NTN1: variants seen among roughly 807,000 people sequenced by gnomAD.
NTN1 encodes netrin 1.
NTN1 carries 11 observed loss-of-function variants against 54.2 expected under a neutral mutation model. The observed-to-expected ratio is 0.20, with a 90% confidence interval of 0.13 to 0.34. The LOEUF (loss-of-function observed/expected upper bound fraction) is 0.34, where lower values mean the gene tolerates loss of function less well. NTN1 is among the 10% of genes least tolerant of loss of function. The probability of loss-of-function intolerance (pLI) is 1.00; values close to 1 mark genes in which losing one functional copy is unlikely to be tolerated. For synonymous variants in NTN1, 371 were observed against 382.0 expected (o/e 0.97, Z 0.33); for missense variants, 740 against 893.1 (o/e 0.83, Z 2.18).
chr17:9,020,637 T>C (rs1567690931), upstream of NTN1, among the ~76,000 whole-genome samples: 1 of 152,204 alleles, frequency 6.6e-6, no homozygotes. Flanking sequence ...AAAGCTGCTG[T>C]GGAGGTCCCA....
intron 6 of NTN1, among the ~76,000 whole-genome samples, chr17:9,237,583 A>G (rs1423679906): frequency 1.3e-5 from 2 of 152,154 alleles, no homozygotes; most frequent in Non-Finnish European, 2.9e-5. Context: ...TGCCTTCTGC[A>G]GCATCCTTGT....
intron 2 of NTN1, among the ~76,000 whole-genome samples, chr17:9,056,033 G>T (rs1299323708): frequency 1.3e-5 from 2 of 151,850 alleles, no homozygotes; most frequent in Non-Finnish European, 2.9e-5. Context: ...GAGAAGCTGG[G>T]ACTACAGGTG....
At chr17:9,058,011 C>T (rs1433401752) in intron 2 of NTN1, among the ~76,000 whole-genome samples, 7 of 152,180 alleles carry the variant, frequency 4.6e-5, no homozygotes, top group Non-Finnish European at 4.4e-5. Flanking sequence ...CCTCAGCCTC[C>T]CGAGTAGCTG....
At chr17:9,004,460 C>T in the NTN1 span, among the ~76,000 whole-genome samples, 2 of 152,274 alleles carry the variant, frequency 1.3e-5, no homozygotes, top group Admixed American at 6.5e-5. Flanking sequence ...ATCTGCTGAG[C>T]GGGTGACGGA....
At chr17:9,003,706 C>G in the NTN1 span, among the ~76,000 whole-genome samples, 1 of 152,060 alleles carries the variant, frequency 6.6e-6, no homozygotes, top group Non-Finnish European at 1.5e-5. This position sits in a 1 kb window ranked among gnomAD's most constrained non-coding sequence, Gnocchi z 7.4. Flanking sequence ...GCCCCGGCCC[C>G]GGCGCCTGAT....
At chr17:9,025,056 T>A (rs984551225) in intron 2 of NTN1, among the ~76,000 whole-genome samples, 1 of 152,234 alleles carries the variant, frequency 6.6e-6, no homozygotes. Context: ...AGTTTTAGTT[T>A]GTATGTGCAT....
In NTN1 at chr17:9,242,573, A is replaced by G. The variant is rs1906255425; in HGVS notation, c.*2605A>G. On this transcript the variant is annotated 3_prime_UTR_variant, in exon 7 of 7. Coordinates refer to ENST00000173229, the MANE Select transcript of NTN1 (RefSeq NM_004822.3). Reference sequence around the variant, plus strand: ...AACGGAGCTGGCGACACGCCAAGCAACAAGGCATCTTGCGGAAAATTCAGC... The same window carrying G: ...AACGGAGCTGGCGACACGCCAAGCAGCAAGGCATCTTGCGGAAAATTCAGC... 6.6e-6 allele frequency: 1 copy of G among 152,298 alleles called. No individual in the cohort carries two copies. The highest frequency in any genetic ancestry group is 2.4e-5 in the African/African-American group (1 of 41,470). 9.4% of individuals were successfully genotyped at this position (152,298 alleles called of 1,614,324 possible).
chr17:9,135,517 G>C lies in NTN1; in HGVS notation c.1019-27296G>C, dbSNP rs997905366. Among the ~76,000 whole-genome samples the C allele has an allele frequency of 6.6e-6, 1 of 152,212 alleles. No individual in the cohort carries two copies. The highest frequency in any genetic ancestry group is 1.5e-5 in the Non-Finnish European group (1 of 68,038). On this transcript the variant is annotated intron_variant, in intron 2 of 6. Coordinates refer to ENST00000173229, the MANE Select transcript of NTN1 (RefSeq NM_004822.3). This position sits in a 1 kb window ranked among gnomAD's most constrained non-coding sequence, Gnocchi z 4.4. ...TCAACCACTTAGTCCTCTTGACCAT[G>C]AGACTCTCCTAAGTTCTGAATGCAG...
At chr17:9,072,013 G>C (rs1003790900) in intron 2 of NTN1, among the ~76,000 whole-genome samples, 1 of 152,226 alleles carries the variant, frequency 6.6e-6, no homozygotes, top group African/African-American at 2.4e-5. Context: ...GCCTTTGTGG[G>C]ATCTGAGCAC....
intron 2 of NTN1, among the ~76,000 whole-genome samples, chr17:9,048,784 G>C (rs537034558): frequency 6.6e-6 from 1 of 152,102 alleles, no homozygotes; most frequent in East Asian, 1.9e-4. Context: ...AGCCTTCCAA[G>C]TAGCTGAGAT....
rs114712555 is a variant in NTN1, at chr17:9,234,088, A to G, written c.1487-5552A>G. Reference sequence around the variant, plus strand: ...CTGAGCCCCTTTCTTGCCTCCTCGGAGCCACGGCCAGCCCTCCAGAGCCCC... The same window carrying G: ...CTGAGCCCCTTTCTTGCCTCCTCGGGGCCACGGCCAGCCCTCCAGAGCCCC... On this transcript the variant is annotated intron_variant, in intron 6 of 6. Transcript: ENST00000173229. Among the ~76,000 whole-genome samples, 1,269 of 152,196 alleles carry G rather than the reference A, an allele frequency of 8.3e-3. 28 individuals carry two copies. The highest frequency in any genetic ancestry group is 0.029 in the African/African-American group (1,201 of 41,532).
chr17:9,168,946 C>T (rs2092380098), intron 3 of NTN1, among the ~76,000 whole-genome samples: 1 of 152,164 alleles, frequency 6.6e-6, no homozygotes, highest in Non-Finnish European at 1.5e-5. Context: ...AAGGAGTGGG[C>T]TTCATTATGG....
At chr17:9,043,899 A>G (rs996394331) in intron 2 of NTN1, among the ~76,000 whole-genome samples, 2 of 151,484 alleles carry the variant, frequency 1.3e-5, no homozygotes, top group African/African-American at 4.9e-5. Flanking sequence ...AATTCTCTTA[A>G]TTTTTTTATC....
chr17:9,160,294 G>C, intron 2 of NTN1, among the ~76,000 whole-genome samples: 1 of 151,894 alleles, frequency 6.6e-6, no homozygotes, highest in East Asian at 1.9e-4. Context: ...TAGTAGAGAC[G>C]GGGTTTCACC....
chr17:9,223,471 G>C (rs989009340), intron 6 of NTN1, among the ~76,000 whole-genome samples: 3 of 152,048 alleles, frequency 2.0e-5, no homozygotes, highest in African/African-American at 7.3e-5. Context: ...AGAATCCCTT[G>C]AATCTGGGAA....
At chr17:9,112,983 AG>A (rs1316323033) in intron 2 of NTN1, among the ~76,000 whole-genome samples, 1 of 151,806 alleles carries the variant, frequency 6.6e-6, no homozygotes, top group East Asian at 1.9e-4. Flanking sequence ...CTGTAAGTTC[AG>A]TGCTGGTGAA....
intron 5 of NTN1, among the ~76,000 whole-genome samples, chr17:9,190,724 C>T (rs978591339): frequency 2.0e-5 from 3 of 152,088 alleles, no homozygotes; most frequent in African/African-American, 7.2e-5. Context: ...TGGTAGTGAG[C>T]GCCTGTAGTC....
In NTN1 at chr17:9,219,647, C is replaced by T. The variant is rs1905287488; in HGVS notation, c.1412-1521C>T. On this transcript the variant is annotated intron_variant, in intron 5 of 6. Coordinates refer to ENST00000173229, the MANE Select transcript of NTN1 (RefSeq NM_004822.3). This position sits in a 1 kb window ranked among gnomAD's most constrained non-coding sequence, Gnocchi z 4.5. ...CCAGAGGCCAGCCCTGGAGAGGTCT[C>T]CCTGAACACTCCCTGCAGATCTAAG... Among the ~76,000 whole-genome samples, 1 of 152,222 alleles carries T rather than the reference C, an allele frequency of 6.6e-6. No homozygotes were observed. The highest frequency in any genetic ancestry group is 1.5e-5 in the Non-Finnish European group (1 of 68,036).
In NTN1 at chr17:9,143,481, C is replaced by T. The variant is rs28662899; in HGVS notation, c.1019-19332C>T. Among the ~76,000 whole-genome samples, 3 of 15,094 alleles carry T rather than the reference C, an allele frequency of 2.0e-4. No individual in the cohort carries two copies. In the Admixed American group the frequency reaches 3.4e-3, roughly 17 times the overall value. 9.9% of individuals were successfully genotyped at this position (15,094 alleles called of 152,430 possible). On this transcript the variant is annotated intron_variant, in intron 2 of 6. Coordinates refer to ENST00000173229, the MANE Select transcript of NTN1 (RefSeq NM_004822.3). ...CTCCAGCATCCTCACTTTGCTGTGC[C>T]CTTTTGGTTTTTACATTGCCTGCTC...
Sources: gnomAD v4.1 joint callset for allele counts (sites outside exome capture counted in the v4.1 genomes callset) on GRCh38, gnomAD v4.1.1 for gene constraint, Gnocchi (gnomAD v3.1) non-coding constraint, MANE v1.5 for transcripts, NCBI Gene and HGNC (gene_info 2026-07-23, HGNC 2026-07-21) for gene names.